The following RPGR variants were observed in gnomAD, a reference collection of about 807,000 sequenced individuals.
The protein encoded by RPGR is X-linked retinitis pigmentosa GTPase regulator.
RPGR carries 10 observed loss-of-function variants against 56.3 expected under a neutral mutation model. That is an observed-to-expected ratio of 0.18 (90% confidence interval 0.11 to 0.30). RPGR has a LOEUF of 0.30. Among genes scored for constraint, RPGR ranks in the 10% least tolerant of loss-of-function variants. The pLI is 1.00. For synonymous variants in RPGR, 197 were observed against 212.9 expected, an observed-to-expected ratio of 0.93 and a Z score of 0.65; for missense variants, 538 against 590.9, an observed-to-expected ratio of 0.91 and a Z score of 0.93.
intron 3 of RPGR, among the ~76,000 whole-genome samples, chrX:38,321,645 G>A (rs2067942658): frequency 9.9e-6 from 1 of 101,264 alleles, no homozygotes; most frequent in South Asian, 5.0e-4. Flanking sequence ...GGGTGACAGA[G>A]CAAGACCCTG....
chrX:38,297,261 GCAGA>G lies in RPGR; in HGVS notation c.1414+19_1414+22del, dbSNP rs1236089041. ...AATAAAAGGCACATTTATCCTGAGA[GCAGA>G]CAGAGTAGCAAATGTTACCTGGTTC... is the stretch of plus-strand genomic sequence containing the variant. On this transcript the variant is annotated intron_variant, in intron 11 of 18. Transcript: ENST00000642395. 28 of 1,198,762 alleles carry G rather than the reference GCAGA, an allele frequency of 2.3e-5. No homozygotes were observed. Among genetic ancestry groups the G allele is most frequent in the Middle Eastern group, 2.3e-4 (1 of 4,341 alleles).
At chrX:38,301,440 A>C in intron 8 of RPGR, 69 bp from the exon 9 acceptor site, 3 of 958,942 alleles carry the variant, frequency 3.1e-6, no homozygotes, top group South Asian at 2.0e-5. Context: ...TAAACAGATA[A>C]ACATGTTAAC....
chrX:38,297,199 G>A, intron 11 of RPGR, 85 bp downstream of exon 11: 1 of 988,398 alleles, frequency 1.0e-6, no homozygotes, highest in Non-Finnish European at 1.4e-6. Flanking sequence ...TTAAATAACT[G>A]GAGAAAACAT....
In RPGR at chrX:38,269,548, A is replaced by T. The variant is rs2066792521; in HGVS notation, c.*78T>A. On this transcript the variant is annotated 3_prime_UTR_variant, in exon 19 of 19. Transcript: ENST00000642395. ...TATCTTTTAAAGACTACTATCAGAA[A>T]CTTTACTTCATAAGTTATAACATTT... 1.3e-6 allele frequency: 1 copy of T among 741,816 alleles called. No individual in the cohort carries two copies. Among genetic ancestry groups the T allele is most frequent in the African/African-American group, 2.2e-5 (1 of 45,791 alleles). The allele number at this position is 741,816 out of a possible 1,213,427, so 61.1% of individuals were successfully genotyped here.
rs1217157110 is a variant in RPGR at position 38,297,378 on chromosome X, A to G, written c.1320T>C (p.Cys440=). 1 of 1,206,342 alleles carries G rather than the reference A, an allele frequency of 8.3e-7. No homozygotes were observed. The highest frequency in any genetic ancestry group is 2.2e-5 in the Admixed American group (1 of 45,322). Residue 440 remains cysteine, a synonymous_variant, in exon 11 of 19, where the codon TGT becomes TGC. Coordinates refer to ENST00000642395, the MANE Select transcript of RPGR (RefSeq NM_000328.3). ...GTGGAAAGACTGAATTGGGGAGAAA[A>G]CAAGCAGAAAGGCCAAGAGTCCCTT...
intron 14 of RPGR, 33 bp from the exon 15 acceptor site, chrX:38,287,278 GC>G (rs1324847765): frequency 8.3e-7 from 1 of 1,205,581 alleles, no homozygotes; most frequent in Non-Finnish European, 1.1e-6. Flanking sequence ...ATCATACTTT[GC>G]CATGGATTTG....
At chrX:38,299,533 GA>G (rs1218906797) in intron 9 of RPGR, among the ~76,000 whole-genome samples, 1 of 111,601 alleles carries the variant, frequency 9.0e-6, no homozygotes, top group Admixed American at 9.5e-5. Flanking sequence ...TCTACTAGAA[GA>G]TTTTTTTTAA....
chrX:38,304,976 A>G, intron 7 of RPGR, 186 bp from the exon 8 acceptor site: 1 of 454,306 alleles, frequency 2.2e-6, no homozygotes, highest in South Asian at 3.4e-5. Flanking sequence ...GAGAAAAATG[A>G]AAAGGTACAT....
intron 15 of RPGR, among the ~76,000 whole-genome samples, chrX:38,278,778 G>T (rs1389716437): frequency 2.7e-5 from 3 of 112,088 alleles, no homozygotes; most frequent in African/African-American, 6.5e-5. Flanking sequence ...CAGAGGGAGG[G>T]ATCAGTGAGC....
intron 6 of RPGR, among the ~76,000 whole-genome samples, chrX:38,311,322 C>T (rs10521413): frequency 0.15 from 16,655 of 111,933 alleles, 972 homozygotes; most frequent in Middle Eastern, 0.23. Flanking sequence ...CCTGTCCATA[C>T]TAACGCTATT....
chrX:38,319,815 T>A (rs1351633573), intron 4 of RPGR, among the ~76,000 whole-genome samples: 1 of 112,683 alleles, frequency 8.9e-6, no homozygotes, highest in Admixed American at 9.4e-5. Flanking sequence ...AATGAAGATT[T>A]GTAACACATA....
In RPGR at chrX:38,287,187, T is replaced by C; in HGVS notation, c.1812A>G (p.Gln604=). The C allele has an allele frequency of 8.3e-7, 1 of 1,211,186 alleles. No homozygotes were observed. The change falls in exon 15 of 19, where the codon CAA becomes CAG. Residue 604 remains glutamine (Q), a synonymous_variant. Transcript: ENST00000642395. ...CATTTTCCTCATTTGCTTCTACCTC[T>C]TGCTCCTCTATTCCATTTCCTTTTG...
At chrX:38,270,982 A>C (rs2066834232) in intron 18 of RPGR, among the ~76,000 whole-genome samples, 1 of 111,936 alleles carries the variant, frequency 8.9e-6, no homozygotes, top group Non-Finnish European at 1.9e-5. Flanking sequence ...ATGTATGCAG[A>C]AGAGATGAAG....
chrX:38,310,894 T>C, intron 6 of RPGR, 121 bp from the exon 7 acceptor site: 1 of 567,688 alleles, frequency 1.8e-6, no homozygotes, highest in Non-Finnish European at 2.9e-6. Flanking sequence ...TTGAGATATT[T>C]TTACTGTATG....
intron 5 of RPGR, among the ~76,000 whole-genome samples, chrX:38,318,115 CTT>C (rs1311268128): frequency 9.0e-6 from 1 of 110,913 alleles, no homozygotes; most frequent in Non-Finnish European, 1.9e-5. Flanking sequence ...ATTATTAAGA[CTT>C]ATTTATTTAT....
At chrX:38,279,660 A>G (rs2066995108) in intron 15 of RPGR, among the ~76,000 whole-genome samples, 1 of 108,232 alleles carries the variant, frequency 9.2e-6, no homozygotes, top group Non-Finnish European at 1.9e-5. Flanking sequence ...TGATGGGTGT[A>G]TTCACTTTGT....
intron 8 of RPGR, among the ~76,000 whole-genome samples, chrX:38,301,632 G>A (rs1276363966): frequency 1.8e-5 from 2 of 110,921 alleles, no homozygotes; most frequent in Non-Finnish European, 3.8e-5. Flanking sequence ...GGCAGTGTGT[G>A]GAGCAGCAGC....
Position 38,327,457 on chromosome X carries a change from C to T in RPGR, c.-90G>A. The T allele has an allele frequency of 1.1e-6, 1 of 944,739 alleles. No homozygotes were observed. Among genetic ancestry groups the T allele is most frequent in the Non-Finnish European group, 1.4e-6 (1 of 705,533 alleles). 77.9% of individuals were successfully genotyped at this position (944,739 alleles called of 1,213,427 possible). Reference sequence around the variant, plus strand: ...CTAAAGCAGCTACTCCGCACCGACGCGGGCCGCGAAAGCCCCCAAGTTCCG... The same window carrying T: ...CTAAAGCAGCTACTCCGCACCGACGTGGGCCGCGAAAGCCCCCAAGTTCCG... On this transcript the variant is annotated 5_prime_UTR_variant, in exon 1 of 19. Coordinates refer to ENST00000642395, the MANE Select transcript of RPGR (RefSeq NM_000328.3).
chrX:38,282,448 C>T (rs763166407), intron 15 of RPGR, among the ~76,000 whole-genome samples: 1 of 111,789 alleles, frequency 8.9e-6, no homozygotes, highest in Non-Finnish European at 1.9e-5. Flanking sequence ...TCCTTTCAGT[C>T]AAATCCAGTT....
Sources: gnomAD v4.1 joint callset for allele counts (sites outside exome capture counted in the v4.1 genomes callset) on GRCh38, gnomAD v4.1.1 for gene constraint, MANE v1.5 for transcripts, NCBI Gene and HGNC (gene_info 2026-07-23, HGNC 2026-07-21) for gene names.